Variants in AFG2A observed in about 807,000 individuals in gnomAD.
AFG2A encodes AAA ATPase AFG2A, also known as ATPase family gene 2 protein homolog A.
At chr4:122,966,505 ATGCTGTTCCCCC>A in the AFG2A span, among the ~76,000 whole-genome samples, 1 of 152,164 alleles carries the variant, frequency 6.6e-6, no homozygotes, top group African/African-American at 2.4e-5. Flanking sequence ...CTCTATTTAT[ATGCTGTTCCCCC>A]TGCTTGGAAT....
At chr4:122,936,120 C>A in the AFG2A span, 2 of 1,603,778 alleles carry the variant, frequency 1.2e-6, no homozygotes, top group South Asian at 2.3e-5. Flanking sequence ...GAGACTGAAG[C>A]AAAGTTACGT....
At chr4:122,936,714 T>C in the AFG2A span, among the ~76,000 whole-genome samples, 24 of 152,164 alleles carry the variant, frequency 1.6e-4, no homozygotes, top group Non-Finnish European at 3.2e-4. Context: ...GTGCGGTGGC[T>C]CACGCCTGTA....
the AFG2A span, among the ~76,000 whole-genome samples, chr4:123,123,951 C>CA: frequency 0.13 from 4,423 of 35,340 alleles, 678 homozygotes; most frequent in African/African-American, 0.24. Context: ...AACTCCGTCT[C>CA]AAAAAAAAAA....
At chr4:123,054,221 T>A in the AFG2A span, among the ~76,000 whole-genome samples, 1 of 152,194 alleles carries the variant, frequency 6.6e-6, no homozygotes, top group Admixed American at 6.5e-5. Flanking sequence ...GTGGAGCAGA[T>A]CAGTCACTTG....
chr4:123,251,710 T>G, the AFG2A span, among the ~76,000 whole-genome samples: 1 of 152,118 alleles, frequency 6.6e-6, no homozygotes, highest in Non-Finnish European at 1.5e-5. Flanking sequence ...ATTTCCTAAG[T>G]CCTGTATTTG....
At chr4:123,172,062 T>C in the AFG2A span, among the ~76,000 whole-genome samples, 2 of 152,152 alleles carry the variant, frequency 1.3e-5, no homozygotes, top group African/African-American at 4.8e-5. Context: ...GTATCGTTCT[T>C]TTTGTTTGTA....
the AFG2A span, among the ~76,000 whole-genome samples, chr4:123,123,660 G>A: frequency 1.3e-5 from 2 of 151,468 alleles, no homozygotes; most frequent in Non-Finnish European, 2.9e-5. Flanking sequence ...TAAAAAGTCA[G>A]GAAACGGCCG....
chr4:123,140,695 A>G, the AFG2A span, among the ~76,000 whole-genome samples: 1 of 152,130 alleles, frequency 6.6e-6, no homozygotes, highest in Non-Finnish European at 1.5e-5. Flanking sequence ...CTTTGACAAG[A>G]TACTAATTTT....
the AFG2A span, among the ~76,000 whole-genome samples, chr4:123,145,533 G>A: frequency 6.6e-6 from 1 of 151,998 alleles, no homozygotes; most frequent in Non-Finnish European, 1.5e-5. Context: ...TTACATGAGG[G>A]GAATCTGAAG....
the AFG2A span, among the ~76,000 whole-genome samples, chr4:123,174,819 T>TA: frequency 7.7e-5 from 11 of 143,234 alleles, no homozygotes; most frequent in East Asian, 2.0e-4. Flanking sequence ...TGATCTTTTT[T>TA]AAAAAAAATA....
At chr4:123,210,386 ACTCT>A in the AFG2A span, among the ~76,000 whole-genome samples, 4 of 151,966 alleles carry the variant, frequency 2.6e-5, no homozygotes, top group Non-Finnish European at 4.4e-5. Context: ...ACCACCATTT[ACTCT>A]CTCTGAGTTC....
chr4:123,252,888 A>G, the AFG2A span, among the ~76,000 whole-genome samples: 2 of 152,146 alleles, frequency 1.3e-5, no homozygotes, highest in African/African-American at 4.8e-5. Context: ...GTACTCTCTT[A>G]TGTCTGTTCT....
the AFG2A span, among the ~76,000 whole-genome samples, chr4:123,271,380 A>G: frequency 1.3e-5 from 2 of 152,266 alleles, no homozygotes; most frequent in Middle Eastern, 3.4e-3. Flanking sequence ...AACAGTATCA[A>G]TCTGTTGGGG....
the AFG2A span, among the ~76,000 whole-genome samples, chr4:123,090,373 T>C: frequency 1.3e-5 from 2 of 152,218 alleles, no homozygotes; most frequent in African/African-American, 4.8e-5. Flanking sequence ...AAAATGAACA[T>C]GGTTGATGAT....
chr4:123,302,400 A>G, the AFG2A span, among the ~76,000 whole-genome samples: 1 of 152,078 alleles, frequency 6.6e-6, no homozygotes, highest in Non-Finnish European at 1.5e-5. Flanking sequence ...AAACCTCAAC[A>G]TAGGATGACT....
At chr4:123,290,487 A>G in the AFG2A span, among the ~76,000 whole-genome samples, 1 of 152,116 alleles carries the variant, frequency 6.6e-6, no homozygotes, top group Non-Finnish European at 1.5e-5. Flanking sequence ...GTCATAAAAG[A>G]TTGTTGGCTA....
At chr4:122,952,442 T>G in the AFG2A span, among the ~76,000 whole-genome samples, 12 of 152,162 alleles carry the variant, frequency 7.9e-5, no homozygotes, top group Non-Finnish European at 1.6e-4. Flanking sequence ...TTGGGCCAAA[T>G]GAGGAATAAA....
chr4:122,951,456 A>ACACACACACACACACACG, the AFG2A span, among the ~76,000 whole-genome samples: 1 of 151,040 alleles, frequency 6.6e-6, no homozygotes, highest in African/African-American at 2.4e-5. Context: ...ACACACACAC[A>ACACACACACACACACACG]CACGCACGCA....
the AFG2A span, among the ~76,000 whole-genome samples, chr4:123,251,011 C>G: frequency 6.6e-6 from 1 of 152,112 alleles, no homozygotes; most frequent in East Asian, 1.9e-4. Flanking sequence ...CAGAAAAAGC[C>G]TAGCTGGCTG....
Sources: allele counts gnomAD v4.1 joint callset (sites outside exome capture counted in the v4.1 genomes callset), GRCh38; gene constraint gnomAD v4.1.1; transcripts MANE v1.5; gene names NCBI Gene and HGNC (gene_info 2026-07-23, HGNC 2026-07-21).